Variants in GABRG3 observed in about 807,000 individuals in gnomAD.
GABRG3 encodes the protein gamma-aminobutyric acid receptor subunit gamma-3.
Under a neutral mutation model 48.8 loss-of-function variants are expected in GABRG3, and 25 were observed. That is an observed-to-expected ratio of 0.51 (90% CI 0.37 to 0.72). The LOEUF is 0.72. Ranked by LOEUF, GABRG3 falls within the 30% of genes least tolerant of loss-of-function variation. The pLI is 0.00. For missense variants in GABRG3, 394 were observed against 577.9 expected (o/e 0.68, Z 3.26); for synonymous variants, 227 against 217.6 (o/e 1.04, Z -0.38).
chr15:27,270,994 A>G (rs949935310), intron 3 of GABRG3, among the ~76,000 whole-genome samples: 1 of 152,218 alleles, frequency 6.6e-6, no homozygotes, highest in African/African-American at 2.4e-5. Context: ...GAAACAGTAG[A>G]GGAAATTCAA....
intron 5 of GABRG3, among the ~76,000 whole-genome samples, chr15:27,347,888 A>AT (rs1555373692): frequency 6.6e-6 from 1 of 152,066 alleles, no homozygotes; most frequent in Non-Finnish European, 1.5e-5. Flanking sequence ...TGCAGATTTC[A>AT]GGGGGGGTTT....
intron 3 of GABRG3, among the ~76,000 whole-genome samples, chr15:27,288,472 G>A (rs947372584): frequency 6.6e-6 from 1 of 151,896 alleles, no homozygotes; most frequent in Admixed American, 6.6e-5. Flanking sequence ...TTCATAAGGA[G>A]TGTGCAACCT....
chr15:27,463,083 AATT>A (rs1361212922), intron 5 of GABRG3, among the ~76,000 whole-genome samples: 1 of 152,168 alleles, frequency 6.6e-6, no homozygotes, highest in African/African-American at 2.4e-5. Flanking sequence ...ATGCTACTAA[AATT>A]ATTAAAATTA....
At chr15:27,474,759 C>G (rs1308215831) in intron 5 of GABRG3, among the ~76,000 whole-genome samples, 1 of 152,148 alleles carries the variant, frequency 6.6e-6, no homozygotes, top group Admixed American at 6.5e-5. Context: ...TGAAACATTA[C>G]CTGTATTTCC....
intron 5 of GABRG3, among the ~76,000 whole-genome samples, chr15:27,479,925 A>T (rs1393870813): frequency 6.6e-6 from 1 of 152,218 alleles, no homozygotes; most frequent in Non-Finnish European, 1.5e-5. Flanking sequence ...CCAGGAGTAC[A>T]GTTGCAGGTA....
chr15:27,098,685 C>T (rs553779276), intron 3 of GABRG3, among the ~76,000 whole-genome samples: 2 of 152,228 alleles, frequency 1.3e-5, no homozygotes, highest in East Asian at 3.9e-4. Flanking sequence ...CAAGCAAAGT[C>T]TCTACTTGTC....
intron 3 of GABRG3, among the ~76,000 whole-genome samples, chr15:27,114,820 C>G (rs1897614768): frequency 6.6e-6 from 1 of 151,328 alleles, no homozygotes. Flanking sequence ...TTTCATTAAA[C>G]CCCTTCCATT....
intron 5 of GABRG3, among the ~76,000 whole-genome samples, chr15:27,336,356 A>C (rs898956745): frequency 6.6e-6 from 1 of 152,138 alleles, no homozygotes; most frequent in East Asian, 1.9e-4. Flanking sequence ...GAAAGAAGAA[A>C]TTGGTGAGAG....
intron 5 of GABRG3, among the ~76,000 whole-genome samples, chr15:27,353,536 G>C (rs9672984): frequency 6.6e-6 from 1 of 151,682 alleles, no homozygotes; most frequent in Non-Finnish European, 1.5e-5. Context: ...CCCTGCCTCC[G>C]GGGTTCAAGC....
At chr15:27,388,626 T>C (rs1379860107) in intron 5 of GABRG3, among the ~76,000 whole-genome samples, 1 of 152,060 alleles carries the variant, frequency 6.6e-6, no homozygotes, top group Non-Finnish European at 1.5e-5. Flanking sequence ...GGTGCTGGGA[T>C]GGTAGATGAT....
At chr15:27,343,547 C>T (rs1484264168) in intron 5 of GABRG3, among the ~76,000 whole-genome samples, 1 of 152,204 alleles carries the variant, frequency 6.6e-6, no homozygotes, top group Admixed American at 6.5e-5. Context: ...ATGCTTCGAT[C>T]ACAGTAGGTG....
chr15:27,185,739 T>G (rs1477280905), intron 3 of GABRG3, among the ~76,000 whole-genome samples: 2 of 152,008 alleles, frequency 1.3e-5, no homozygotes, highest in Non-Finnish European at 2.9e-5. Flanking sequence ...TATTTGAGAT[T>G]GTTATGTCTT....
At chr15:26,990,197 C>A (rs1741305899) in intron 2 of GABRG3, among the ~76,000 whole-genome samples, 1 of 152,164 alleles carries the variant, frequency 6.6e-6, no homozygotes, top group African/African-American at 2.4e-5. Context: ...TGAAACACTT[C>A]CAAAATGTTC....
chr15:27,326,336 T>C (rs1474507306), intron 3 of GABRG3, among the ~76,000 whole-genome samples: 1 of 152,246 alleles, frequency 6.6e-6, no homozygotes, highest in African/African-American at 2.4e-5. Context: ...TATGAATGAA[T>C]ATGAATGGAT....
chr15:27,440,924 T>G (rs886685239), intron 5 of GABRG3, among the ~76,000 whole-genome samples: 2 of 152,192 alleles, frequency 1.3e-5, no homozygotes, highest in African/African-American at 4.8e-5. Context: ...ACAGAGGGCA[T>G]GAGATTAGAG....
chr15:27,516,409 G>A (rs79336410), intron 6 of GABRG3, among the ~76,000 whole-genome samples: 3,179 of 152,286 alleles, frequency 0.021, 70 homozygotes, highest in East Asian at 0.098. Flanking sequence ...GATTACCTCT[G>A]TTATTCCTAC....
At chr15:27,456,671 G>C (rs903340543) in intron 5 of GABRG3, among the ~76,000 whole-genome samples, 8 of 152,190 alleles carry the variant, frequency 5.3e-5, no homozygotes, top group Non-Finnish European at 1.0e-4. Context: ...GGCTGCCCTG[G>C]AGTTTGGGGA....
intron 3 of GABRG3, among the ~76,000 whole-genome samples, chr15:27,253,106 C>T (rs745543398): frequency 1.3e-5 from 2 of 152,202 alleles, no homozygotes; most frequent in Admixed American, 1.3e-4. Flanking sequence ...CGGAACAGTT[C>T]TGGGTGTCAC....
intron 5 of GABRG3, among the ~76,000 whole-genome samples, chr15:27,349,142 A>G (rs1894472599): frequency 6.6e-6 from 1 of 152,212 alleles, no homozygotes; most frequent in South Asian, 2.1e-4. Context: ...TGATGTTCAT[A>G]TGATTGGATA....
Sources: allele counts gnomAD v4.1 joint callset (sites outside exome capture counted in the v4.1 genomes callset), GRCh38; gene constraint gnomAD v4.1.1; transcripts MANE v1.5; gene names NCBI Gene and HGNC (gene_info 2026-07-23, HGNC 2026-07-21).